TMEM232: variants seen among roughly 807,000 people sequenced by gnomAD.
The protein encoded by TMEM232 is transmembrane protein 232.
TMEM232 carries 80 observed loss-of-function variants against 78.8 expected under a neutral mutation model. That is an observed-to-expected ratio of 1.01 (90% CI 0.85 to 1.22). The LOEUF (loss-of-function observed/expected upper bound fraction) is 1.22, where lower values mean the gene tolerates loss of function less well. Among genes scored for constraint, TMEM232 ranks in the 50% most tolerant of loss-of-function variants. TMEM232 has a pLI of 0.00. For missense variants in TMEM232, 881 were observed against 742.2 expected, an observed-to-expected ratio of 1.19 and a Z score of -2.17; for synonymous variants, 297 against 254.3, an observed-to-expected ratio of 1.17 and a Z score of -1.60.
chr5:110,680,291 G>C (rs1384047858), intron 1 of TMEM232, among the ~76,000 whole-genome samples: 1 of 151,742 alleles, frequency 6.6e-6, no homozygotes, highest in Non-Finnish European at 1.5e-5. Context: ...CAGCTACTCG[G>C]GAGGCTGAGG....
intron 11 of TMEM232, among the ~76,000 whole-genome samples, chr5:110,540,720 G>A (rs907586429): frequency 1.1e-4 from 16 of 152,122 alleles, no homozygotes; most frequent in African/African-American, 3.9e-4. Context: ...TAGCACAAAA[G>A]GCTGAATTCA....
At chr5:110,483,425 G>A (rs1162997907) in intron 12 of TMEM232, among the ~76,000 whole-genome samples, 1 of 152,020 alleles carries the variant, frequency 6.6e-6, no homozygotes, top group African/African-American at 2.4e-5. Context: ...CACTGTTGGT[G>A]GGAATGTAAA....
chr5:110,396,511 T>G (rs577804067), intron 3 of TMEM232, among the ~76,000 whole-genome samples: 1 of 152,198 alleles, frequency 6.6e-6, no homozygotes, highest in Admixed American at 6.5e-5. Flanking sequence ...GGCATAGAGA[T>G]GTGAGGTATG....
intron 12 of TMEM232, among the ~76,000 whole-genome samples, chr5:110,462,179 T>C (rs1350798760): frequency 6.6e-6 from 1 of 152,220 alleles, no homozygotes; most frequent in Non-Finnish European, 1.5e-5. Flanking sequence ...TTAAGAACAT[T>C]CATGATTTAT....
At chr5:110,422,761 T>C (rs1489760863) in intron 13 of TMEM232, among the ~76,000 whole-genome samples, 3 of 152,100 alleles carry the variant, frequency 2.0e-5, no homozygotes. Context: ...AATCCTTCTT[T>C]TCATTAGGCT....
At chr5:110,672,306 A>T (rs1003841068) in intron 1 of TMEM232, among the ~76,000 whole-genome samples, 1 of 152,210 alleles carries the variant, frequency 6.6e-6, no homozygotes, top group Non-Finnish European at 1.5e-5. Flanking sequence ...CAAGTTCCAC[A>T]ATGCCCTGTT....
intron 8 of TMEM232, among the ~76,000 whole-genome samples, chr5:110,617,421 T>C (rs77543683): frequency 0.046 from 6,951 of 152,252 alleles, 358 homozygotes; most frequent in East Asian, 0.24. Flanking sequence ...AAATTTTAAT[T>C]GTTCTTACCA....
At chr5:110,541,768 G>C (rs553261441) in intron 11 of TMEM232, among the ~76,000 whole-genome samples, 1 of 152,216 alleles carries the variant, frequency 6.6e-6, no homozygotes, top group East Asian at 1.9e-4. Flanking sequence ...AATGTTATCT[G>C]AAGCCCTTTC....
At chr5:110,730,370 C>A (rs79944683), upstream of TMEM232, among the ~76,000 whole-genome samples, 3,100 of 152,238 alleles carry the variant, frequency 0.02, 33 homozygotes, top group Admixed American at 0.024. Context: ...TGTAATTTAA[C>A]AACTTTCTAG....
At position 110,537,630 on chromosome 5, in the gene TMEM232, CCAAA is replaced by C. The variant is rs1772562993; in HGVS notation, c.1456-8799_1456-8796del. On this transcript the variant is annotated intron_variant, in intron 11 of 13. Transcript: ENST00000455884. ...TGCCAAGTGCTCTTGAGGCTAAACC[CCAAA>C]CAGTGGGAACCCTACTAAGTCCCCC... Among the ~76,000 whole-genome samples the C allele has an allele frequency of 2.6e-5, 4 of 152,292 alleles. No homozygotes were observed. The South Asian group carries it at 8.3e-4, about 32-fold the overall frequency.
chr5:110,537,566 T>C (rs1474702105), intron 11 of TMEM232, among the ~76,000 whole-genome samples: 1 of 152,136 alleles, frequency 6.6e-6, no homozygotes, highest in Non-Finnish European at 1.5e-5. Context: ...GGGCTACCTG[T>C]CTCTCAGGGT....
At chr5:110,388,405 T>C (rs1055897990) in intron 4 of TMEM232, among the ~76,000 whole-genome samples, 3 of 152,170 alleles carry the variant, frequency 2.0e-5, no homozygotes, top group Non-Finnish European at 4.4e-5. Flanking sequence ...ACTGCTGGCA[T>C]TCGCCTGTAC....
At chr5:110,606,346 A>G in intron 8 of TMEM232, 59 bp from the exon 9 acceptor site, 1 of 1,412,884 alleles carries the variant, frequency 7.1e-7, no homozygotes, top group Non-Finnish European at 9.4e-7. Context: ...ATAATAATCA[A>G]CTTTTAATGT....
At chr5:110,442,929 A>G (rs1391918456) in intron 12 of TMEM232, among the ~76,000 whole-genome samples, 1 of 152,108 alleles carries the variant, frequency 6.6e-6, no homozygotes, top group Non-Finnish European at 1.5e-5. Flanking sequence ...TTTCTTCCCA[A>G]CAAATGGAGG....
At chr5:110,647,980 T>C (rs1426174441) in intron 2 of TMEM232, among the ~76,000 whole-genome samples, 1 of 152,008 alleles carries the variant, frequency 6.6e-6, no homozygotes, top group East Asian at 1.9e-4. Context: ...AATTAGAAAG[T>C]ATAAGAGAAT....
At chr5:110,654,291 T>A (rs574464759) in intron 2 of TMEM232, among the ~76,000 whole-genome samples, 36 of 152,336 alleles carry the variant, frequency 2.4e-4, no homozygotes, top group Non-Finnish European at 4.6e-4. Context: ...AGGTCTAATG[T>A]TTAAGTCTTT....
intron 10 of TMEM232, among the ~76,000 whole-genome samples, chr5:110,592,128 T>C (rs1779614568): frequency 6.6e-6 from 1 of 152,194 alleles, no homozygotes; most frequent in Non-Finnish European, 1.5e-5. Context: ...ACTGGTGAGA[T>C]ACTTGACAAT....
intron 10 of TMEM232, among the ~76,000 whole-genome samples, chr5:110,597,162 CAA>C (rs1400660232): frequency 1.3e-5 from 2 of 152,126 alleles, no homozygotes; most frequent in East Asian, 1.9e-4. Flanking sequence ...GCAACTTCAG[CAA>C]AGTCTCAGGA....
At chr5:110,631,377 A>G (rs1002970340) in intron 5 of TMEM232, among the ~76,000 whole-genome samples, 4 of 151,786 alleles carry the variant, frequency 2.6e-5, no homozygotes, top group Admixed American at 2.6e-4. Context: ...TCCCATTCAC[A>G]CCCCCGACCC....
Sources: allele counts gnomAD v4.1 joint callset (sites outside exome capture counted in the v4.1 genomes callset), GRCh38; gene constraint gnomAD v4.1.1; transcripts MANE v1.5; gene names NCBI Gene and HGNC (gene_info 2026-07-23, HGNC 2026-07-21).